Variants in ROBO2 observed in about 807,000 individuals in gnomAD.
ROBO2 encodes roundabout homolog 2.
A neutral mutation model predicts 160.8 loss-of-function variants in ROBO2; 53 were observed. That is an observed-to-expected ratio of 0.33 (90% CI 0.26 to 0.41). The LOEUF (loss-of-function observed/expected upper bound fraction) is 0.41. Ranked by LOEUF, ROBO2 falls within the 10% of genes least tolerant of loss-of-function variation. ROBO2 has a pLI of 1.00. For missense variants in ROBO2, 1,577 were observed against 1,722.4 expected (o/e 0.92, Z 1.49); for synonymous variants, 664 against 611.7 (o/e 1.09, Z -1.26).
chr3:76,365,696 C>T (rs1005891640), intron 2 of ROBO2, among the ~76,000 whole-genome samples: 1 of 152,008 alleles, frequency 6.6e-6, no homozygotes, highest in Non-Finnish European at 1.5e-5. Flanking sequence ...CAATTAGATC[C>T]ATAAAATGTA....
At chr3:77,180,435 T>TATATATATG in intron 2 of ROBO2, among the ~76,000 whole-genome samples, 1 of 63,934 alleles carries the variant, frequency 1.6e-5, no homozygotes, top group African/African-American at 6.7e-5. Flanking sequence ...TATATATGTA[T>TATATATATG]TTTTTTTTTT....
intron 2 of ROBO2, among the ~76,000 whole-genome samples, chr3:76,153,635 C>G (rs538434746): frequency 6.6e-6 from 1 of 152,154 alleles, no homozygotes; most frequent in African/African-American, 2.4e-5. Flanking sequence ...ACGAACCTTA[C>G]AATCCTCATG....
intron 2 of ROBO2, among the ~76,000 whole-genome samples, chr3:77,400,717 C>T (rs11127590): frequency 0.18 from 26,948 of 151,980 alleles, 2,624 homozygotes; most frequent in East Asian, 0.24. Context: ...ATTATGCATT[C>T]GCGAGTGAGC....
rs191676139 is a variant in ROBO2 at position 77,637,250 on chromosome 3, T to C, written c.3934+2207T>C. Among the ~76,000 whole-genome samples the C allele has an allele frequency of 3.0e-3, 454 of 152,334 alleles. 2 individuals carry two copies. The highest frequency in any genetic ancestry group is 5.6e-3 in the Non-Finnish European group (378 of 68,016). ...TTAGTCCTTAGCACACTTACACTTATCATTATAGGACAGAATGAAGCTTAG... is the reference window on the plus strand; with the variant it reads ...TTAGTCCTTAGCACACTTACACTTACCATTATAGGACAGAATGAAGCTTAG... On this transcript the variant is annotated intron_variant, in intron 24 of 25. Coordinates refer to ENST00000461745, the Ensembl canonical transcript of ROBO2.
intron 2 of ROBO2, among the ~76,000 whole-genome samples, chr3:76,390,582 C>T (rs1454678073): frequency 6.6e-6 from 1 of 152,084 alleles, no homozygotes; most frequent in East Asian, 1.9e-4. Context: ...TGTGTTAGCC[C>T]ACATTAGTTA....
chr3:76,797,863 C>G (rs2063819915), intron 2 of ROBO2, among the ~76,000 whole-genome samples: 1 of 151,644 alleles, frequency 6.6e-6, no homozygotes, highest in African/African-American at 2.4e-5. Context: ...TGTCAAGATT[C>G]AACCATGAAG....
At chr3:76,097,631 T>C (rs896918689) in intron 2 of ROBO2, among the ~76,000 whole-genome samples, 1 of 151,970 alleles carries the variant, frequency 6.6e-6, no homozygotes, top group Non-Finnish European at 1.5e-5. Context: ...TAAACAAAAA[T>C]TAACAGGGTA....
chr3:75,995,699 G>A (rs1217002947), intron 2 of ROBO2, among the ~76,000 whole-genome samples: 6 of 152,112 alleles, frequency 3.9e-5, no homozygotes, highest in African/African-American at 1.4e-4. Context: ...CTGTGCACCA[G>A]GGAAAGCTGC....
intron 2 of ROBO2, among the ~76,000 whole-genome samples, chr3:77,450,727 A>G (rs2081029248): frequency 6.6e-6 from 1 of 152,132 alleles, no homozygotes; most frequent in East Asian, 1.9e-4. Flanking sequence ...AGAAAGACTA[A>G]CGATTTTCTT....
intron 6 of ROBO2, among the ~76,000 whole-genome samples, chr3:77,532,354 G>A (rs2091805114): frequency 6.6e-6 from 1 of 151,854 alleles, no homozygotes; most frequent in African/African-American, 2.4e-5. Context: ...TATGCATGTA[G>A]TCCTTTCTTT....
At chr3:76,108,483 T>C (rs1282531422) in intron 2 of ROBO2, among the ~76,000 whole-genome samples, 1 of 152,016 alleles carries the variant, frequency 6.6e-6, no homozygotes, top group Admixed American at 6.6e-5. Context: ...TTTTTTGTTT[T>C]ATTTAGGTCC....
chr3:76,853,174 T>A (rs1307973988), intron 2 of ROBO2, among the ~76,000 whole-genome samples: 2 of 152,124 alleles, frequency 1.3e-5, no homozygotes, highest in Non-Finnish European at 2.9e-5. Context: ...TTTCTTAATA[T>A]TTAGTTTCTT....
At chr3:76,701,357 G>A (rs889037797) in intron 2 of ROBO2, among the ~76,000 whole-genome samples, 6 of 152,048 alleles carry the variant, frequency 3.9e-5, no homozygotes, top group African/African-American at 9.7e-5. Flanking sequence ...GCTTTTCAAA[G>A]TTAAGTATAT....
intron 2 of ROBO2, among the ~76,000 whole-genome samples, chr3:76,044,524 G>A (rs1228217841): frequency 6.8e-6 from 1 of 146,886 alleles, no homozygotes; most frequent in Non-Finnish European, 1.5e-5. Flanking sequence ...GGAGAAATAA[G>A]TCACAGTCAC....
At chr3:76,973,665 C>T (rs771140393) in intron 2 of ROBO2, among the ~76,000 whole-genome samples, 4 of 152,100 alleles carry the variant, frequency 2.6e-5, no homozygotes, top group Non-Finnish European at 5.9e-5. Flanking sequence ...AGAGACATGG[C>T]ATGACTTTTT....
At chr3:76,592,845 T>C (rs967706880) in intron 2 of ROBO2, among the ~76,000 whole-genome samples, 7 of 152,082 alleles carry the variant, frequency 4.6e-5, no homozygotes, top group Non-Finnish European at 8.8e-5. Flanking sequence ...GTTCTAGGAC[T>C]GAAATCGTAC....
intron 2 of ROBO2, among the ~76,000 whole-genome samples, chr3:76,269,080 A>G (rs1707270402): frequency 6.6e-6 from 1 of 152,124 alleles, no homozygotes; most frequent in South Asian, 2.1e-4. Flanking sequence ...GATAGAATTA[A>G]TAAGATCTAG....
chr3:75,938,227 A>G (rs1947885977), intron 2 of ROBO2, among the ~76,000 whole-genome samples: 1 of 151,928 alleles, frequency 6.6e-6, no homozygotes, highest in South Asian at 2.1e-4. Context: ...AGATTTTGTA[A>G]TAAGGCTTTC....
intron 2 of ROBO2, among the ~76,000 whole-genome samples, chr3:77,375,844 CAT>C (rs1292251084): frequency 6.7e-6 from 1 of 149,232 alleles, no homozygotes; most frequent in Non-Finnish European, 1.5e-5. Context: ...TCAGCACACA[CAT>C]AGAAAAAATA....
Sources: allele counts gnomAD v4.1 joint callset (sites outside exome capture counted in the v4.1 genomes callset), GRCh38; gene constraint gnomAD v4.1.1; transcripts MANE v1.5; gene names NCBI Gene and HGNC (gene_info 2026-07-23, HGNC 2026-07-21).